Variants in ANGPTL4 observed in about 807,000 individuals in gnomAD.
ANGPTL4 encodes angiopoietin like 4.
Under a neutral mutation model 39.2 loss-of-function variants are expected in ANGPTL4, and 39 were observed. That is an observed-to-expected ratio of 1.00 (90% confidence interval 0.77 to 1.30). ANGPTL4 has a LOEUF of 1.30. Among genes scored for constraint, ANGPTL4 ranks in the 50% most tolerant of loss-of-function variants. The pLI, the probability that ANGPTL4 is intolerant of heterozygous loss-of-function variation, is 0.00. For missense variants in ANGPTL4, 545 were observed against 549.8 expected, an observed-to-expected ratio of 0.99 and a Z score of 0.09; for synonymous variants, 233 against 229.5, an observed-to-expected ratio of 1.02 and a Z score of -0.14.
Position 8,364,616 on chromosome 19 carries a change from C to A in ANGPTL4, c.295C>A (p.Pro99Thr), listed in dbSNP as rs906307738. Residue 99 changes from proline (P) to threonine (T), a missense_variant, in exon 1 of 7, where the codon CCT becomes ACT. Pro to Thr is a conservative substitution (Grantham distance 38). Transcript: ENST00000301455. ...GTTAGCCCCTGAGAGCCGGGTGGAC[C>A]CTGAGGTCCTTCACAGCCTGCAGGT... ...LPLAPESRVDPEVLHSLQTQL... is the reference protein window; with the variant it reads ...LPLAPESRVDTEVLHSLQTQL... 1 of 1,591,758 alleles carries A rather than the reference C, an allele frequency of 6.3e-7. No individual in the cohort carries two copies. Among genetic ancestry groups the A allele is most frequent in the Non-Finnish European group, 8.5e-7 (1 of 1,170,134 alleles).
chr19:8,370,354 C>T (rs1020927696), intron 4 of ANGPTL4, among the ~76,000 whole-genome samples: 15 of 151,436 alleles, frequency 9.9e-5, no homozygotes, highest in African/African-American at 3.6e-4. Flanking sequence ...TGCCGTGAGC[C>T]GTGATCACAC....
At position 8,371,146 on chromosome 19, in the gene ANGPTL4, C is replaced by A. The variant is rs1285009218; in HGVS notation, c.752C>A (p.Pro251His). The change falls in exon 5 of 7, where the codon CCC (proline) becomes CAC (histidine). Residue 251 changes from proline to histidine, a missense_variant. By Grantham distance (77) the Pro-to-His change is moderately conservative (BLOSUM62 -2). Transcript: ENST00000301455. This position sits in a 1 kb window ranked among gnomAD's most constrained non-coding sequence, Gnocchi z 5.1. ...WEAYKAGFGDPHGEFWLGLEK... is the reference protein window; with the variant it reads ...WEAYKAGFGDHHGEFWLGLEK... ...GCCTACAAGGCGGGGTTTGGGGATC[C>A]CCACGGTAGGTGTTTCTAGTGGGGA... 6.2e-7 allele frequency: 1 copy of A among 1,613,552 alleles called. No homozygotes were observed. The highest frequency in any genetic ancestry group is 1.3e-5 in the African/African-American group (1 of 74,898).
chr19:8,370,722 G>C (rs908106493), intron 4 of ANGPTL4, among the ~76,000 whole-genome samples: 11 of 132,788 alleles, frequency 8.3e-5, no homozygotes, highest in Non-Finnish European at 1.2e-4. Flanking sequence ...AAAAAAAAAA[G>C]AAAGCTTTTT....
chr19:8,370,440 C>T (rs986003327), intron 4 of ANGPTL4, among the ~76,000 whole-genome samples: 2 of 151,884 alleles, frequency 1.3e-5, no homozygotes, highest in African/African-American at 2.4e-5. Flanking sequence ...AGGCTGAGCA[C>T]GGTGGCTTAC....
intron 6 of ANGPTL4, among the ~76,000 whole-genome samples, chr19:8,372,990 C>T (rs868334412): frequency 1.3e-5 from 2 of 151,330 alleles, no homozygotes; most frequent in East Asian, 2.0e-4. Flanking sequence ...AAAATAAGGC[C>T]GGGTGTGGGG....
chr19:8,367,392 G>T (rs1032105221), intron 3 of ANGPTL4, among the ~76,000 whole-genome samples: 1 of 152,190 alleles, frequency 6.6e-6, no homozygotes, highest in Non-Finnish European at 1.5e-5. Context: ...GCTCAGGCCC[G>T]CCAAGTAGGA....
chr19:8,370,224 A>T (rs959777387), intron 4 of ANGPTL4, among the ~76,000 whole-genome samples: 7 of 151,546 alleles, frequency 4.6e-5, no homozygotes, highest in African/African-American at 1.7e-4. Flanking sequence ...AATAAAAAAG[A>T]GAAAATAAAA....
At chr19:8,365,889 G>A in intron 1 of ANGPTL4, 65 bp from the exon 2 acceptor site, 3 of 1,177,166 alleles carry the variant, frequency 2.5e-6, no homozygotes, top group Non-Finnish European at 2.5e-6. Context: ...GGATGGATGA[G>A]TGGATGAATT....
At chr19:8,367,152 C>T (rs1971023148) in intron 3 of ANGPTL4, among the ~76,000 whole-genome samples, 1 of 152,112 alleles carries the variant, frequency 6.6e-6, no homozygotes. Flanking sequence ...CACTGTAGAC[C>T]TGAGGGTTCT....
intron 6 of ANGPTL4, among the ~76,000 whole-genome samples, chr19:8,372,365 A>G (rs1971137805): frequency 6.7e-6 from 1 of 148,682 alleles, no homozygotes; most frequent in South Asian, 2.1e-4. Context: ...GGCCACAAAC[A>G]TCTTTATAAT....
chr19:8,370,683 G>C (rs1017445912), intron 4 of ANGPTL4, among the ~76,000 whole-genome samples: 2 of 142,928 alleles, frequency 1.4e-5, no homozygotes, highest in Admixed American at 7.2e-5. Flanking sequence ...CTGGGCAACA[G>C]AGTGAGACTC....
At chr19:8,372,087 G>A (rs1324100259) in intron 6 of ANGPTL4, among the ~76,000 whole-genome samples, 2 of 148,596 alleles carry the variant, frequency 1.3e-5, no homozygotes, top group Non-Finnish European at 3.0e-5. Flanking sequence ...ACAGAGTCCC[G>A]CTGTGTCTCC....
Position 8,371,429 on chromosome 19 carries a change from A to G in ANGPTL4, c.946A>G (p.Thr316Ala). The G allele has an allele frequency of 6.2e-7, 1 of 1,613,318 alleles. No individual in the cohort carries two copies. The highest frequency in any genetic ancestry group is 1.1e-5 in the South Asian group (1 of 91,068). Residue 316 changes from threonine (T) to alanine (A), a missense_variant, in exon 6 of 7, where the codon ACC becomes GCC. Physicochemically the swap from Thr to Ala is moderately conservative, Grantham distance 58. Transcript: ENST00000301455. This position sits in a 1 kb window ranked among gnomAD's most constrained non-coding sequence, Gnocchi z 5.1. ...CGTGGCCGGCCAGCTGGGCGCCACC[A>G]CCGTCCCACCCAGCGGCCTCTCCGT... ...APVAGQLGAT[T>A]VPPSGLSVPF... is the part of the protein sequence containing the mutation.
At chr19:8,373,525 C>T (rs1387275137) in intron 6 of ANGPTL4, 180 bp from the exon 7 acceptor site, 4 of 222,154 alleles carry the variant, frequency 1.8e-5, no homozygotes, top group Non-Finnish European at 3.0e-5. Flanking sequence ...GAGCTGAGAT[C>T]GCACCACTGC....
chr19:8,368,336 T>A (rs868591911), intron 3 of ANGPTL4, among the ~76,000 whole-genome samples: 20 of 152,194 alleles, frequency 1.3e-4, no homozygotes, highest in Middle Eastern at 6.8e-3. Flanking sequence ...GAGCAGCTGC[T>A]ATGCGCTGGG....
intron 3 of ANGPTL4, among the ~76,000 whole-genome samples, chr19:8,368,383 C>G (rs991293846): frequency 1.3e-5 from 2 of 152,218 alleles, no homozygotes; most frequent in Admixed American, 6.5e-5. Flanking sequence ...GTGGGCAGAG[C>G]TGCTCCTTGT....
chr19:8,368,813 C>T (rs1388480404), intron 3 of ANGPTL4, among the ~76,000 whole-genome samples: 1 of 152,130 alleles, frequency 6.6e-6, no homozygotes, highest in Non-Finnish European at 1.5e-5. Flanking sequence ...CAAGATTGCG[C>T]CACTGCACTC....
At chr19:8,366,444 C>T in intron 3 of ANGPTL4, 125 bp downstream of exon 3, 1 of 1,092,974 alleles carries the variant, frequency 9.1e-7, no homozygotes, top group South Asian at 1.3e-5. Flanking sequence ...CCTGAGGGCT[C>T]ACCAGTCTCT....
Position 8,366,067 on chromosome 19 carries a change from A to G in ANGPTL4, c.429+3A>G, listed in dbSNP as rs1209567582. 1 of 1,613,850 alleles carries G rather than the reference A, an allele frequency of 6.2e-7. No homozygotes were observed. The highest frequency in any genetic ancestry group is 8.5e-7 in the Non-Finnish European group (1 of 1,179,794). On this transcript the variant is annotated splice_donor_region_variant and intron_variant, in intron 2 of 6. Transcript: ENST00000301455. The stretch of plus-strand genomic sequence containing the variant: ...GAATTCAGCATCTGCAAAGCCAGGT[A>G]ACCCTAGGATCAAGGGAGAAAAGGT...
Sources: allele counts gnomAD v4.1 joint callset (sites outside exome capture counted in the v4.1 genomes callset), GRCh38; gene constraint gnomAD v4.1.1; non-coding constraint Gnocchi (gnomAD v3.1); transcripts MANE v1.5; gene names NCBI Gene and HGNC (gene_info 2026-07-23, HGNC 2026-07-21).